MTG1: variants seen among roughly 807,000 people sequenced by gnomAD.
MTG1 encodes mitochondrial ribosome associated GTPase 1.
Under a neutral mutation model 39.5 loss-of-function variants are expected in MTG1, and 30 were observed. That is an observed-to-expected ratio of 0.76 (90% CI 0.57 to 1.03). The LOEUF is 1.03. Ranked by LOEUF, MTG1 falls within the 50% of genes least tolerant of loss-of-function variation. The probability of loss-of-function intolerance (pLI) is 0.00; values close to 1 mark genes in which losing one functional copy is unlikely to be tolerated. For synonymous variants in MTG1, 217 were observed against 179.0 expected (o/e 1.21, Z -1.69); for missense variants, 513 against 447.4 (o/e 1.15, Z -1.32).
At chr10:133,419,715 G>A (rs149235166) in intron 10 of MTG1, 123 bp downstream of exon 10, 489 of 840,718 alleles carry the variant, frequency 5.8e-4, no homozygotes, top group Admixed American at 6.9e-4. Flanking sequence ...GGTCTTCTGG[G>A]AATGGGTTTC....
At chr10:133,409,365 C>T (rs1196988874) in intron 9 of MTG1, among the ~76,000 whole-genome samples, 1 of 152,116 alleles carries the variant, frequency 6.6e-6, no homozygotes, top group Non-Finnish European at 1.5e-5. Flanking sequence ...CCTCTTGTTA[C>T]TGCTTTCTTG....
At position 133,420,111 on chromosome 10, in the gene MTG1, G is replaced by A. The variant is rs779460492; in HGVS notation, c.951G>A (p.Val317=). ...TCCGCCGTGGGCTGCTGGGTTCCGT[G>A]ATGCTGGACCTCGACGTCCTGCGGG... The part of the protein sequence containing the change: ...QTFRRGLLGS[V]MLDLDVLRGH... The change falls in exon 11 of 11, where the codon GTG becomes GTA. Residue 317 remains valine, a synonymous_variant. Coordinates refer to ENST00000317502, the MANE Select transcript of MTG1 (RefSeq NM_138384.4). The A allele has an allele frequency of 1.2e-6, 2 of 1,613,494 alleles. No individual in the cohort carries two copies. The highest frequency in any genetic ancestry group is 1.7e-6 in the Non-Finnish European group (2 of 1,179,800).
intron 1 of MTG1, chr10:133,394,880 C>G (rs1019428342): frequency 5.2e-5 from 18 of 348,544 alleles, no homozygotes; most frequent in Non-Finnish European, 7.3e-5. Flanking sequence ...GCCACTCCTG[C>G]GTCGGCTCCG....
intron 6 of MTG1, chr10:133,399,930 C>T (rs1219078791): frequency 2.4e-5 from 6 of 254,404 alleles, no homozygotes; most frequent in Admixed American, 2.1e-4. Context: ...GCATGGCTCA[C>T]GCCTGTAATC....
Position 133,420,143 on chromosome 10 carries a change from C to T in MTG1, c.983C>T (p.Pro328Leu), listed in dbSNP as rs760701142. ...MLDLDVLRGH[P>L]PAETLP Reference sequence around the variant, plus strand: ...GACCTCGACGTCCTGCGGGGCCACCCCCCGGCTGAGACTTTGCCCTGAACT... The same window carrying T: ...GACCTCGACGTCCTGCGGGGCCACCTCCCGGCTGAGACTTTGCCCTGAACT... Residue 328 changes from proline (P) to leucine (L), a missense_variant, in exon 11 of 11, where the codon CCC becomes CTC. Transcript: ENST00000317502. 6.2e-7 allele frequency: 1 copy of T among 1,612,098 alleles called. No homozygotes were observed.
intron 9 of MTG1, among the ~76,000 whole-genome samples, chr10:133,416,404 T>C (rs940254185): frequency 6.6e-6 from 1 of 150,802 alleles, no homozygotes; most frequent in Non-Finnish European, 1.5e-5. Flanking sequence ...CTTTTTATTT[T>C]ATTTTATTAT....
At chr10:133,406,537 A>T (rs1355250599) in intron 9 of MTG1, among the ~76,000 whole-genome samples, 2 of 150,828 alleles carry the variant, frequency 1.3e-5, no homozygotes, top group Admixed American at 1.3e-4. Flanking sequence ...TATTATTATT[A>T]TTTTTGCTTT....
chr10:133,411,811 C>T (rs1850051499), intron 9 of MTG1, among the ~76,000 whole-genome samples: 1 of 150,678 alleles, frequency 6.6e-6, no homozygotes, highest in Non-Finnish European at 1.5e-5. Flanking sequence ...TAATTTCAAT[C>T]TCTGTTAAAT....
In MTG1 at chr10:133,420,217, C is replaced by T; in HGVS notation, c.*52C>T. 6.5e-7 allele frequency: 1 copy of T among 1,550,016 alleles called. No homozygotes were observed. Among genetic ancestry groups the T allele is most frequent in the Non-Finnish European group, 8.7e-7 (1 of 1,148,646 alleles). ...GCATGTGGCCTCCCAGACCTCCTGACCTGGGTGGTTGAGGCTCAAGACAGC... is the reference window on the plus strand; with the variant it reads ...GCATGTGGCCTCCCAGACCTCCTGATCTGGGTGGTTGAGGCTCAAGACAGC... On this transcript the variant is annotated 3_prime_UTR_variant, in exon 11 of 11. Coordinates refer to ENST00000317502, the MANE Select transcript of MTG1 (RefSeq NM_138384.4).
chr10:133,399,491 C>A, intron 5 of MTG1, 38 bp from the exon 6 acceptor site: 1 of 1,596,310 alleles, frequency 6.3e-7, no homozygotes, highest in Non-Finnish European at 8.6e-7. Flanking sequence ...CTCTAGCGGC[C>A]ACGGTGGGCC....
At chr10:133,415,897 C>T (rs1226793419) in intron 9 of MTG1, among the ~76,000 whole-genome samples, 4 of 151,000 alleles carry the variant, frequency 2.6e-5, no homozygotes, top group Non-Finnish European at 5.9e-5. Context: ...ATGCCGGTAT[C>T]AGGCACGTGG....
chr10:133,398,880 C>G (rs538621750), intron 4 of MTG1, among the ~76,000 whole-genome samples: 29 of 152,088 alleles, frequency 1.9e-4, no homozygotes, highest in Non-Finnish European at 4.1e-4. Flanking sequence ...TGGGAGGGGA[C>G]GGGCATAGGT....
chr10:133,397,725 G>A (rs1313422412), intron 3 of MTG1, among the ~76,000 whole-genome samples: 2 of 150,950 alleles, frequency 1.3e-5, no homozygotes, highest in East Asian at 1.9e-4. Flanking sequence ...TGATCCGCCC[G>A]CCTCGGCCTC....
intron 6 of MTG1, 194 bp downstream of exon 6, chr10:133,399,813 T>C (rs1318767508): frequency 6.1e-6 from 3 of 494,782 alleles, no homozygotes; most frequent in Non-Finnish European, 1.1e-5. Context: ...ACCAGGTCGT[T>C]CTGTGAATTT....
At chr10:133,418,525 G>A (rs1850170694) in intron 9 of MTG1, among the ~76,000 whole-genome samples, 1 of 152,078 alleles carries the variant, frequency 6.6e-6, no homozygotes, top group South Asian at 2.1e-4. Flanking sequence ...GGGCACCCTT[G>A]AGGCTGCTGA....
At position 133,402,920 on chromosome 10, in the gene MTG1, G is replaced by C. The variant is rs1352390585; in HGVS notation, c.752+147G>C. The C allele has an allele frequency of 3.2e-6, 2 of 634,256 alleles. No individual in the cohort carries two copies. The highest frequency in any genetic ancestry group is 1.8e-5 in the African/African-American group (1 of 54,496). The allele number at this position is 634,256 out of a possible 1,614,324, so 39.3% of individuals were successfully genotyped here. ...TCGTTTAAAGCGTCCAGTTGGACAA[G>C]TTCGGGAGTATGGCTATACGTCTGT... On this transcript the variant is annotated intron_variant, in intron 9 of 10. Transcript: ENST00000317502. This position sits in a 1 kb window ranked among gnomAD's most constrained non-coding sequence, Gnocchi z 4.7.
At chr10:133,404,599 C>T (rs1564820511) in intron 9 of MTG1, among the ~76,000 whole-genome samples, 1 of 152,138 alleles carries the variant, frequency 6.6e-6, no homozygotes, top group South Asian at 2.1e-4. Context: ...CCAGAGTACT[C>T]TTGTTGTCAT....
Position 133,402,676 on chromosome 10 carries a change from G to T in MTG1, c.671-16G>T. The T allele has an allele frequency of 6.3e-7, 1 of 1,593,502 alleles. No homozygotes were observed. The highest frequency in any genetic ancestry group is 8.5e-7 in the Non-Finnish European group (1 of 1,170,190). On this transcript the variant is annotated splice_polypyrimidine_tract_variant and intron_variant, in intron 8 of 10. Coordinates refer to ENST00000317502, the MANE Select transcript of MTG1 (RefSeq NM_138384.4). This position sits in a 1 kb window ranked among gnomAD's most constrained non-coding sequence, Gnocchi z 4.7. ...GTGGCTGTTTCCAGTGCTCACCTCG[G>T]CTGCTGCTTCCACAGGAACGGTGCT...
In MTG1 at chr10:133,402,860, A is replaced by G; in HGVS notation, c.752+87A>G. ...AAAAACAAACAAAAAAACCCCCAGC[A>G]TTATAAAGGTATTATAAACACGGTA... On this transcript the variant is annotated intron_variant, in intron 9 of 10. Coordinates refer to ENST00000317502, the MANE Select transcript of MTG1 (RefSeq NM_138384.4). This position sits in a 1 kb window ranked among gnomAD's most constrained non-coding sequence, Gnocchi z 4.7. The G allele has an allele frequency of 2.9e-6, 3 of 1,027,252 alleles. No homozygotes were observed. Among genetic ancestry groups the G allele is most frequent in the Non-Finnish European group, 4.3e-6 (3 of 704,352 alleles). 63.6% of individuals were successfully genotyped at this position (1,027,252 alleles called of 1,614,324 possible).
Sources: gnomAD v4.1 joint callset for allele counts (sites outside exome capture counted in the v4.1 genomes callset) on GRCh38, gnomAD v4.1.1 for gene constraint, Gnocchi (gnomAD v3.1) non-coding constraint, MANE v1.5 for transcripts, NCBI Gene and HGNC (gene_info 2026-07-23, HGNC 2026-07-21) for gene names.